NTM: variants seen among roughly 807,000 people sequenced by gnomAD.
The protein encoded by NTM is neurotrimin, also known as IgLON family member 2.
NTM carries 13 observed loss-of-function variants against 42.1 expected under a neutral mutation model. The ratio of observed to expected loss-of-function variants is 0.31; its 90% CI spans 0.20 to 0.49. The LOEUF is 0.49. Ranked by LOEUF, NTM falls within the 20% of genes least tolerant of loss-of-function variation. The pLI is 0.99. For missense variants in NTM, 373 were observed against 452.8 expected (o/e 0.82, Z 1.60); for synonymous variants, 187 against 179.2 (o/e 1.04, Z -0.35).
intron 1 of NTM, among the ~76,000 whole-genome samples, chr11:131,749,564 G>A (rs535458897): frequency 1.3e-5 from 2 of 152,162 alleles, no homozygotes; most frequent in Non-Finnish European, 2.9e-5. Context: ...TGTTGTTGAC[G>A]TATGTCCCTG....
chr11:131,422,038 C>A (rs932963518), intron 1 of NTM, among the ~76,000 whole-genome samples: 3 of 152,154 alleles, frequency 2.0e-5, no homozygotes, highest in Non-Finnish European at 4.4e-5. Flanking sequence ...TGAGAGTTTG[C>A]AAGTTCAAAT....
intron 1 of NTM, among the ~76,000 whole-genome samples, chr11:131,430,877 G>A (rs557988753): frequency 1.2e-4 from 19 of 152,322 alleles, no homozygotes; most frequent in Non-Finnish European, 2.1e-4. Context: ...AGCGTTCTGC[G>A]GGCTGCCGCC....
At chr11:132,320,471 G>T (rs1339904976) in intron 7 of NTM, among the ~76,000 whole-genome samples, 1 of 152,196 alleles carries the variant, frequency 6.6e-6, no homozygotes, top group Non-Finnish European at 1.5e-5. Flanking sequence ...TTTCCGACGG[G>T]CTTAAAAAAC....
intron 1 of NTM, among the ~76,000 whole-genome samples, chr11:131,826,741 A>G (rs753242236): frequency 2.0e-5 from 3 of 152,086 alleles, no homozygotes; most frequent in Non-Finnish European, 4.4e-5. Flanking sequence ...TTCAGTCTCA[A>G]AAGTCCCTTT....
chr11:131,932,197 G>A (rs2058704998), intron 2 of NTM, among the ~76,000 whole-genome samples: 1 of 152,166 alleles, frequency 6.6e-6, no homozygotes, highest in Non-Finnish European at 1.5e-5. Context: ...CCCTCCTGGT[G>A]GAATGAGACA....
intron 1 of NTM, among the ~76,000 whole-genome samples, chr11:131,888,186 A>G (rs1455337145): frequency 6.6e-6 from 1 of 152,140 alleles, no homozygotes; most frequent in Non-Finnish European, 1.5e-5. Context: ...CTGTGGTTTC[A>G]GCTACTCGGG....
intron 2 of NTM, among the ~76,000 whole-genome samples, chr11:132,055,146 C>T (rs1435389606): frequency 1.3e-5 from 2 of 152,196 alleles, no homozygotes; most frequent in Non-Finnish European, 2.9e-5. Flanking sequence ...TCATATGTGG[C>T]TGTTTCTTTG....
chr11:132,214,800 CA>C (rs1485139687), intron 4 of NTM, among the ~76,000 whole-genome samples: 24 of 152,304 alleles, frequency 1.6e-4, no homozygotes, highest in African/African-American at 5.5e-4. Flanking sequence ...GCTATGGAAA[CA>C]GAAGATGGAG....
At chr11:132,052,529 T>G (rs558148772) in intron 2 of NTM, among the ~76,000 whole-genome samples, 1 of 152,324 alleles carries the variant, frequency 6.6e-6, no homozygotes, top group African/African-American at 2.4e-5. Flanking sequence ...AGAGATGTAC[T>G]CCACCCTGTT....
chr11:131,807,733 T>C (rs2092570039), intron 1 of NTM, among the ~76,000 whole-genome samples: 3 of 152,300 alleles, frequency 2.0e-5, no homozygotes, highest in Admixed American at 2.0e-4. Flanking sequence ...CCTAGAAAAG[T>C]CTTTGGCACC....
At chr11:131,748,214 C>A (rs542398137) in intron 1 of NTM, among the ~76,000 whole-genome samples, 1 of 152,304 alleles carries the variant, frequency 6.6e-6, no homozygotes, top group East Asian at 1.9e-4. Context: ...ATTGTAGTGG[C>A]AAAGTGGTTC....
chr11:132,227,284 A>T (rs1208997422), intron 4 of NTM, among the ~76,000 whole-genome samples: 2 of 152,212 alleles, frequency 1.3e-5, no homozygotes, highest in African/African-American at 2.4e-5. Flanking sequence ...GTCCAGGGAG[A>T]TGAGGATTAA....
intron 2 of NTM, among the ~76,000 whole-genome samples, chr11:131,955,167 C>T (rs1433660519): frequency 1.3e-5 from 2 of 152,202 alleles, no homozygotes; most frequent in African/African-American, 4.8e-5. Flanking sequence ...CCTCCACCCT[C>T]AGCCTCAGCC....
chr11:131,474,137 A>G (rs1472227484), intron 1 of NTM, among the ~76,000 whole-genome samples: 1 of 152,114 alleles, frequency 6.6e-6, no homozygotes, highest in Non-Finnish European at 1.5e-5. Context: ...CTCTTATTCA[A>G]GTCAGAAATA....
intron 1 of NTM, among the ~76,000 whole-genome samples, chr11:131,831,642 T>C (rs1285848460): frequency 2.6e-5 from 4 of 152,194 alleles, no homozygotes; most frequent in Non-Finnish European, 5.9e-5. Flanking sequence ...ACTTTTTAGA[T>C]CTTAAAGCTT....
intron 1 of NTM, among the ~76,000 whole-genome samples, chr11:131,890,059 A>G (rs2051033509): frequency 6.6e-6 from 1 of 151,778 alleles, no homozygotes; most frequent in African/African-American, 2.4e-5. Flanking sequence ...CCCTGACCCA[A>G]TTCTCTGCTC....
chr11:132,080,782 C>G (rs1033356851), intron 2 of NTM, among the ~76,000 whole-genome samples: 1 of 152,138 alleles, frequency 6.6e-6, no homozygotes, highest in Admixed American at 6.5e-5. Flanking sequence ...CTAAAAAAAA[C>G]TGTGAAATGT....
intron 1 of NTM, among the ~76,000 whole-genome samples, chr11:131,454,591 G>A (rs1202005657): frequency 6.6e-6 from 1 of 152,122 alleles, no homozygotes; most frequent in Non-Finnish European, 1.5e-5. Context: ...TCAAGGTAAG[G>A]GAGGCAGAGA....
At chr11:131,779,389 A>G (rs2087646740) in intron 1 of NTM, among the ~76,000 whole-genome samples, 1 of 152,156 alleles carries the variant, frequency 6.6e-6, no homozygotes, top group Non-Finnish European at 1.5e-5. Flanking sequence ...TAATATAACT[A>G]TATACAACAT....
Sources: gnomAD v4.1 joint callset for allele counts (sites outside exome capture counted in the v4.1 genomes callset) on GRCh38, gnomAD v4.1.1 for gene constraint, MANE v1.5 for transcripts, NCBI Gene and HGNC (gene_info 2026-07-23, HGNC 2026-07-21) for gene names.